The following EFHC2 variants were observed in gnomAD, a reference collection of about 807,000 sequenced individuals.
The protein encoded by EFHC2 is EF-hand domain-containing family member C2.
EFHC2 carries 18 observed loss-of-function variants against 52.7 expected under a neutral mutation model. The ratio of observed to expected loss-of-function variants is 0.34; its 90% CI spans 0.24 to 0.51. The LOEUF (loss-of-function observed/expected upper bound fraction) is 0.51. Among genes scored for constraint, EFHC2 ranks in the 20% least tolerant of loss-of-function variants. EFHC2 has a pLI of 0.97. For missense variants in EFHC2, 513 were observed against 562.5 expected (o/e 0.91, Z 0.89); for synonymous variants, 203 against 204.1 (o/e 0.99, Z 0.04).
At chrX:44,205,725 T>C (rs1053056253) in intron 11 of EFHC2, among the ~76,000 whole-genome samples, 1 of 111,626 alleles carries the variant, frequency 9.0e-6, no homozygotes, top group African/African-American at 3.3e-5. Flanking sequence ...CCCAGATTTA[T>C]AAAACAATTA....
At chrX:44,278,581 C>A (rs1390521180) in intron 2 of EFHC2, among the ~76,000 whole-genome samples, 1 of 111,266 alleles carries the variant, frequency 9.0e-6, no homozygotes. Context: ...ATCATTCTCC[C>A]CGGAGGCAGG....
intron 14 of EFHC2, among the ~76,000 whole-genome samples, chrX:44,155,070 G>A (rs955327619): frequency 5.4e-5 from 6 of 112,083 alleles, no homozygotes; most frequent in African/African-American, 1.9e-4. Flanking sequence ...AAAACTTGAT[G>A]TAATCTGGAG....
At chrX:44,256,548 C>A (rs1241017085) in intron 4 of EFHC2, among the ~76,000 whole-genome samples, 2 of 111,457 alleles carry the variant, frequency 1.8e-5, no homozygotes, top group African/African-American at 6.5e-5. Context: ...TAGATAAATT[C>A]CTGGACACAT....
chrX:44,341,566 A>C (rs943046865), intron 1 of EFHC2, among the ~76,000 whole-genome samples: 16 of 111,831 alleles, frequency 1.4e-4, no homozygotes, highest in African/African-American at 5.2e-4. Flanking sequence ...CTCCCACCTC[A>C]GCCTCCTGAG....
intron 2 of EFHC2, among the ~76,000 whole-genome samples, chrX:44,282,308 A>G (rs1441480918): frequency 1.9e-5 from 2 of 106,894 alleles, no homozygotes; most frequent in African/African-American, 6.8e-5. Flanking sequence ...TTAAGTGACT[A>G]AAACACAGGA....
chrX:44,179,534 A>G (rs1299122338), intron 11 of EFHC2, among the ~76,000 whole-genome samples: 2 of 112,254 alleles, frequency 1.8e-5, no homozygotes, highest in African/African-American at 6.5e-5. Flanking sequence ...CTAGTCAAGA[A>G]TTTCCATAGA....
chrX:44,288,835 T>C (rs2037772211), intron 2 of EFHC2, among the ~76,000 whole-genome samples: 1 of 112,412 alleles, frequency 8.9e-6, no homozygotes, highest in African/African-American at 3.2e-5. Context: ...AGTTTATTTT[T>C]AATTTGGAGA....
intron 2 of EFHC2, chrX:44,285,936 G>T: frequency 8.7e-6 from 1 of 115,125 alleles, no homozygotes. Flanking sequence ...TGCTTCACTG[G>T]GAGTTACTCA....
At chrX:44,149,608 C>CGG (rs2036553871) in intron 14 of EFHC2, among the ~76,000 whole-genome samples, 1 of 111,376 alleles carries the variant, frequency 9.0e-6, no homozygotes, top group Non-Finnish European at 1.9e-5. Context: ...CTCCAACTCC[C>CGG]GGGTTCAAGT....
chrX:44,253,559 G>C (rs762733604), intron 4 of EFHC2, among the ~76,000 whole-genome samples: 20 of 111,811 alleles, frequency 1.8e-4, no homozygotes, highest in African/African-American at 6.5e-4. Flanking sequence ...TTTGTAGCCA[G>C]ACTACCTCTC....
intron 12 of EFHC2, among the ~76,000 whole-genome samples, chrX:44,177,967 C>CAA (rs1189636481): frequency 1.1e-5 from 1 of 93,317 alleles, no homozygotes; most frequent in Admixed American, 1.2e-4. Context: ...ACTAAAAATA[C>CAA]AAAAAAAAAA....
At chrX:44,302,978 C>T (rs761163735) in intron 2 of EFHC2, among the ~76,000 whole-genome samples, 2 of 111,667 alleles carry the variant, frequency 1.8e-5, no homozygotes, top group Admixed American at 9.5e-5. Flanking sequence ...TCTGTATTTA[C>T]GTATTGTTCT....
intron 11 of EFHC2, among the ~76,000 whole-genome samples, chrX:44,183,457 T>C (rs1176621316): frequency 1.8e-5 from 2 of 111,955 alleles, no homozygotes; most frequent in Admixed American, 9.5e-5. Context: ...TTTTGTTCAT[T>C]GTTGAATCTG....
At chrX:44,177,549 A>G (rs1426468335) in intron 12 of EFHC2, among the ~76,000 whole-genome samples, 1 of 107,071 alleles carries the variant, frequency 9.3e-6, no homozygotes, top group Non-Finnish European at 2.0e-5. Context: ...TGTAAGATGA[A>G]TGCAAAAAAA....
Position 44,148,769 on chromosome X carries a change from T to G in EFHC2, c.*26A>C. The G allele has an allele frequency of 5.3e-6, 6 of 1,121,620 alleles. No individual in the cohort carries two copies. The highest frequency in any genetic ancestry group is 7.2e-6 in the Non-Finnish European group (6 of 836,480). The allele number at this position is 1,121,620 out of a possible 1,213,427, so 92.4% of individuals were successfully genotyped here. A position where few individuals can be genotyped will look rare whatever the true frequency, so the allele number is the denominator to read the frequency against. On this transcript the variant is annotated 3_prime_UTR_variant, in exon 15 of 15. Coordinates refer to ENST00000420999, the MANE Select transcript of EFHC2 (RefSeq NM_025184.4). ...GTGGCAAAATGAGAGAAGTAAATCA[T>G]AGAGAATTGACCAAAACTGGCATGG...
rs1375836071 is a variant in EFHC2 at position 44,261,191 on chromosome X, T to G, written c.490A>C (p.Thr164Pro). ...GCATCACAGTCATAAATCTTGAATG[T>G]CCGGCCATAGAAGACAACCTCTGTG... ...VGTEVVFYGRTFKIYDCDAFT... is the reference protein window; with the variant it reads ...VGTEVVFYGRPFKIYDCDAFT... Residue 164 changes from threonine (T) to proline (P), a missense_variant, in exon 4 of 15, where the codon ACA becomes CCA. Transcript: ENST00000420999. 2 of 1,211,589 alleles carry G rather than the reference T, an allele frequency of 1.7e-6. No homozygotes were observed. The highest frequency in any genetic ancestry group is 5.9e-5 in the East Asian group (2 of 33,839).
intron 8 of EFHC2, among the ~76,000 whole-genome samples, chrX:44,238,838 C>T (rs2037339486): frequency 8.9e-6 from 1 of 111,999 alleles, no homozygotes; most frequent in East Asian, 2.8e-4. Flanking sequence ...CAGTACTTAA[C>T]ATCTTGTAAA....
chrX:44,336,190 C>T (rs2038116007), intron 1 of EFHC2, among the ~76,000 whole-genome samples: 1 of 110,264 alleles, frequency 9.1e-6, no homozygotes, highest in Non-Finnish European at 1.9e-5. Context: ...AGTTCAAGAC[C>T]AGCCTGGCCA....
At chrX:44,236,714 G>A (rs1490007794) in intron 8 of EFHC2, among the ~76,000 whole-genome samples, 1 of 111,644 alleles carries the variant, frequency 9.0e-6, no homozygotes, top group Non-Finnish European at 1.9e-5. Context: ...AAGCAGCCAG[G>A]TCTGCATGGC....
Sources: gnomAD v4.1 joint callset for allele counts (sites outside exome capture counted in the v4.1 genomes callset) on GRCh38, gnomAD v4.1.1 for gene constraint, MANE v1.5 for transcripts, NCBI Gene and HGNC (gene_info 2026-07-23, HGNC 2026-07-21) for gene names.